Variants in GALK2 observed in about 807,000 individuals in gnomAD.
GALK2 encodes the protein N-acetylgalactosamine kinase.
A neutral mutation model predicts 52.4 loss-of-function variants in GALK2; 36 were observed. The observed-to-expected ratio is 0.69, with a 90% CI of 0.53 to 0.91. GALK2 has a LOEUF of 0.91. Ranked by LOEUF, GALK2 falls within the 40% of genes least tolerant of loss-of-function variation. GALK2 has a pLI of 0.00. For synonymous variants in GALK2, 176 were observed against 199.1 expected (o/e 0.88, Z 0.98); for missense variants, 579 against 559.1 (o/e 1.04, Z -0.36).
At chr15:49,292,684 A>G in intron 8 of GALK2, 147 bp downstream of exon 8, 1 of 660,584 alleles carries the variant, frequency 1.5e-6, no homozygotes, top group Non-Finnish European at 2.6e-6. Context: ...TTAGCTTCAT[A>G]AATGTATTCA....
At chr15:49,222,126 T>C (rs1469649684) in intron 3 of GALK2, among the ~76,000 whole-genome samples, 1 of 152,170 alleles carries the variant, frequency 6.6e-6, no homozygotes, top group Non-Finnish European at 1.5e-5. Flanking sequence ...ATCTCCTTGG[T>C]TAAATTTATT....
chr15:49,353,152 C>G (rs944151358), intron 3 of GALK2, among the ~76,000 whole-genome samples: 1 of 152,156 alleles, frequency 6.6e-6, no homozygotes, highest in Non-Finnish European at 1.5e-5. Flanking sequence ...TGTGGAAAGT[C>G]AAATTCCTCC....
At chr15:49,260,118 AT>A (rs1348501037) in intron 5 of GALK2, among the ~76,000 whole-genome samples, 2 of 152,072 alleles carry the variant, frequency 1.3e-5, no homozygotes, top group African/African-American at 4.8e-5. Flanking sequence ...GCTGGGTGAA[AT>A]GGTATTTCTA....
chr15:49,322,758 T>C (rs113367262), intron 9 of GALK2, among the ~76,000 whole-genome samples: 312 of 151,908 alleles, frequency 2.1e-3, no homozygotes, highest in Non-Finnish European at 2.7e-3. Context: ...GAGATCGAGA[T>C]CATCCTGGCT....
intron 1 of GALK2, among the ~76,000 whole-genome samples, chr15:49,173,146 G>A (rs1189024101): frequency 1.3e-5 from 2 of 152,070 alleles, no homozygotes; most frequent in African/African-American, 4.8e-5. Flanking sequence ...TCAAATGAAT[G>A]GAATCATATA....
downstream of GALK2, chr15:49,335,361 G>T: frequency 8.8e-7 from 1 of 1,132,390 alleles, no homozygotes; most frequent in Non-Finnish European, 1.3e-6. Flanking sequence ...TTCTCTGATT[G>T]TTTCCAGTTC....
chr15:49,209,253 G>A (rs138718508), intron 2 of GALK2, among the ~76,000 whole-genome samples: 5 of 152,204 alleles, frequency 3.3e-5, no homozygotes, highest in Admixed American at 6.5e-5. Flanking sequence ...GTTTTTCTAC[G>A]TATAAGATCA....
At chr15:49,239,477 G>C (rs2090989902) in intron 5 of GALK2, 110 bp downstream of exon 5, 20 of 983,490 alleles carry the variant, frequency 2.0e-5, no homozygotes, top group Non-Finnish European at 2.8e-5. Flanking sequence ...TCTCTAAAAG[G>C]ACTGCACATG....
chr15:49,287,470 T>C (rs553801179), intron 7 of GALK2, among the ~76,000 whole-genome samples: 2 of 152,244 alleles, frequency 1.3e-5, no homozygotes, highest in East Asian at 1.9e-4. Flanking sequence ...ATTAGGAATA[T>C]GCTTTTGCTT....
chr15:49,247,468 G>A (rs2091405454), intron 5 of GALK2, among the ~76,000 whole-genome samples: 1 of 152,016 alleles, frequency 6.6e-6, no homozygotes, highest in South Asian at 2.1e-4. Context: ...AAAGAAGGAA[G>A]GAAGACAAAT....
intron 8 of GALK2, among the ~76,000 whole-genome samples, chr15:49,311,528 G>C (rs2035990188): frequency 6.6e-6 from 1 of 152,128 alleles, no homozygotes; most frequent in Admixed American, 6.5e-5. Flanking sequence ...CGACGTCTTT[G>C]CTCTTAACGT....
At chr15:49,219,340 T>C (rs1289887850) in intron 3 of GALK2, among the ~76,000 whole-genome samples, 1 of 152,194 alleles carries the variant, frequency 6.6e-6, no homozygotes, top group East Asian at 1.9e-4. Flanking sequence ...GCTCTCTTTT[T>C]GCCTGACACC....
intron 3 of GALK2, among the ~76,000 whole-genome samples, chr15:49,364,599 C>T (rs2044802143): frequency 6.6e-6 from 1 of 152,092 alleles, no homozygotes; most frequent in African/African-American, 2.4e-5. Flanking sequence ...AAAAAACATA[C>T]TACAAAAATA....
At chr15:49,182,659 T>C (rs1301906470) in intron 1 of GALK2, among the ~76,000 whole-genome samples, 1 of 152,226 alleles carries the variant, frequency 6.6e-6, no homozygotes, top group East Asian at 1.9e-4. Flanking sequence ...TTTGCTATTA[T>C]CTTTTTTTTG....
intron 3 of GALK2, among the ~76,000 whole-genome samples, chr15:49,220,031 AT>A (rs975838468): frequency 1.1e-5 from 1 of 87,302 alleles, no homozygotes; most frequent in African/African-American, 4.4e-5. Flanking sequence ...TCATTTCCCT[AT>A]TTTTGAGTTT....
chr15:49,182,433 G>C (rs1194977450), intron 1 of GALK2, among the ~76,000 whole-genome samples: 1 of 152,152 alleles, frequency 6.6e-6, no homozygotes, highest in Non-Finnish European at 1.5e-5. Flanking sequence ...CTTGGCTATT[G>C]TAAATGGTAC....
At chr15:49,188,110 A>C (rs1434039556) in intron 1 of GALK2, among the ~76,000 whole-genome samples, 1 of 152,176 alleles carries the variant, frequency 6.6e-6, no homozygotes, top group African/African-American at 2.4e-5. Context: ...ACAGCTCTTT[A>C]GTCAGCAGGT....
rs376647505 is a variant in GALK2, at chr15:49,229,653, C to T, written c.267-6198C>T. 1.8e-4 allele frequency among the ~76,000 whole-genome samples: 28 copies of T among 152,236 alleles called. 1 individual carries two copies. In the East Asian group the frequency reaches 2.1e-3, roughly 12 times the overall value. ...CTGGCAGGGCGGGCCTATCCTCAGG[C>T]CTCCTGGTGGTGTATGCAAGTGGTA... On this transcript the variant is annotated intron_variant, in intron 3 of 9. Coordinates refer to ENST00000560031, the MANE Select transcript of GALK2 (RefSeq NM_002044.4).
At chr15:49,366,806 C>T (rs2151449179) in intron 3 of GALK2, 2 of 559,644 alleles carry the variant, frequency 3.6e-6, no homozygotes, top group East Asian at 6.4e-5. Flanking sequence ...ATCGCCGCTG[C>T]TGCAGGGGCC....
Sources: allele counts gnomAD v4.1 joint callset (sites outside exome capture counted in the v4.1 genomes callset), GRCh38; gene constraint gnomAD v4.1.1; transcripts MANE v1.5; gene names NCBI Gene and HGNC (gene_info 2026-07-23, HGNC 2026-07-21).